The following CDH4 variants were observed in gnomAD, a reference collection of about 807,000 sequenced individuals.
CDH4 encodes cadherin 4.
CDH4 carries 33 observed loss-of-function variants against 86.0 expected under a neutral mutation model. That is an observed-to-expected ratio of 0.38 (90% confidence interval 0.29 to 0.51). The LOEUF (loss-of-function observed/expected upper bound fraction) is 0.51, where lower values mean the gene tolerates loss of function less well. Among genes scored for constraint, CDH4 ranks in the 20% least tolerant of loss-of-function variants. CDH4 has a pLI of 0.86. For missense variants in CDH4, 1,114 were observed against 1,307.4 expected, an observed-to-expected ratio of 0.85 and a Z score of 2.28; for synonymous variants, 555 against 549.4, an observed-to-expected ratio of 1.01 and a Z score of -0.14.
chr20:61,450,592 G>T (rs939009659), intron 2 of CDH4, among the ~76,000 whole-genome samples: 3 of 152,002 alleles, frequency 2.0e-5, no homozygotes, highest in African/African-American at 7.2e-5. Context: ...TTGCAAATAC[G>T]TTTGAGGTTC....
intron 2 of CDH4, among the ~76,000 whole-genome samples, chr20:61,707,825 G>C (rs2087848527): frequency 6.6e-6 from 1 of 152,178 alleles, no homozygotes; most frequent in African/African-American, 2.4e-5. Context: ...GTGAGACTCT[G>C]GTGTCCTTGC....
chr20:61,670,539 G>A (rs370489652), intron 2 of CDH4, among the ~76,000 whole-genome samples: 1 of 152,172 alleles, frequency 6.6e-6, no homozygotes, highest in East Asian at 1.9e-4. Flanking sequence ...GTTCCCTACC[G>A]AATACTGGAG....
intron 2 of CDH4, among the ~76,000 whole-genome samples, chr20:61,626,931 C>T (rs552542676): frequency 4.5e-4 from 68 of 152,294 alleles, no homozygotes; most frequent in Non-Finnish European, 8.5e-4. Flanking sequence ...CACTGAAAAT[C>T]AGGGCTTCAG....
At chr20:61,870,623 G>A (rs1007757204) in intron 6 of CDH4, among the ~76,000 whole-genome samples, 1 of 152,182 alleles carries the variant, frequency 6.6e-6, no homozygotes. Flanking sequence ...AGACGAAAAT[G>A]CCGGGGGCCA....
intron 2 of CDH4, among the ~76,000 whole-genome samples, chr20:61,546,085 C>CGTGT (rs1431879301): frequency 1.5e-3 from 1 of 650 alleles, no homozygotes; most frequent in African/African-American, 7.2e-3. Context: ...TTTGTTCACA[C>CGTGT]GTGTGTGTGT....
intron 2 of CDH4, among the ~76,000 whole-genome samples, chr20:61,584,360 G>A (rs1187609460): frequency 6.6e-6 from 1 of 152,186 alleles, no homozygotes; most frequent in Non-Finnish European, 1.5e-5. Context: ...CTCCCTCAGA[G>A]AAGCCTCTCA....
intron 2 of CDH4, chr20:61,719,125 CA>C (rs1337939316): frequency 4.2e-6 from 2 of 470,930 alleles, no homozygotes; most frequent in Admixed American, 4.7e-5. Context: ...ATGTCACCTG[CA>C]GCCAAATGGC....
At chr20:61,816,630 C>A (rs1186309656) in intron 4 of CDH4, among the ~76,000 whole-genome samples, 4 of 152,076 alleles carry the variant, frequency 2.6e-5, no homozygotes, top group African/African-American at 9.7e-5. Flanking sequence ...TCAGAAGCCA[C>A]CCTAAGGCAG....
At chr20:61,752,129 C>T (rs546907179) in intron 3 of CDH4, among the ~76,000 whole-genome samples, 3 of 152,092 alleles carry the variant, frequency 2.0e-5, no homozygotes, top group Non-Finnish European at 2.9e-5. Context: ...GTCAGGAGTT[C>T]GAGACCAGCC....
At chr20:61,322,871 T>C (rs2084516150) in intron 2 of CDH4, among the ~76,000 whole-genome samples, 1 of 152,186 alleles carries the variant, frequency 6.6e-6, no homozygotes, top group Non-Finnish European at 1.5e-5. Context: ...AAGAGTGTAT[T>C]GGATGCTCTT....
chr20:61,730,513 G>A (rs1401933316), intron 2 of CDH4, among the ~76,000 whole-genome samples: 1 of 152,226 alleles, frequency 6.6e-6, no homozygotes, highest in East Asian at 1.9e-4. Context: ...GAAGCTAAGG[G>A]AAATGGAACT....
chr20:61,403,895 TG>T (rs1371834277), intron 2 of CDH4, among the ~76,000 whole-genome samples: 1 of 152,226 alleles, frequency 6.6e-6, no homozygotes, highest in Non-Finnish European at 1.5e-5. Flanking sequence ...CAGGACGCTG[TG>T]TTTCAGGAAA....
At chr20:61,504,037 C>G (rs185692650) in intron 2 of CDH4, among the ~76,000 whole-genome samples, 2 of 152,330 alleles carry the variant, frequency 1.3e-5, no homozygotes, top group East Asian at 3.9e-4. Flanking sequence ...CCCTAGACCA[C>G]AGCAGCCTTC....
rs943777634 is a variant in CDH4, at chr20:61,623,613, T to C, written c.170-119950T>C. 1.2e-4 allele frequency among the ~76,000 whole-genome samples: 18 copies of C among 152,194 alleles called. No homozygotes were observed. Among genetic ancestry groups the C allele is most frequent in the Non-Finnish European group, 2.9e-5 (2 of 68,030 alleles). On this transcript the variant is annotated intron_variant, in intron 2 of 15. Transcript: ENST00000614565. This position sits in a 1 kb window ranked among gnomAD's most constrained non-coding sequence, Gnocchi z 4.4. ...GTGTTGTCTTTCCTCTACATGAGCA[T>C]CATTCGTGCAAAGTGCATCACAGCT...
At chr20:61,668,649 T>G (rs1203081684) in intron 2 of CDH4, among the ~76,000 whole-genome samples, 1 of 151,944 alleles carries the variant, frequency 6.6e-6, no homozygotes, top group African/African-American at 2.4e-5. Context: ...GTCAGAGAGG[T>G]GAAATGGCAC....
intron 8 of CDH4, among the ~76,000 whole-genome samples, chr20:61,897,190 G>C (rs555940614): frequency 9.8e-5 from 15 of 152,288 alleles, no homozygotes; most frequent in Non-Finnish European, 1.8e-4. Context: ...TGAGACGTTG[G>C]GGGGCAGAAG....
At chr20:61,929,962 C>T in intron 13 of CDH4, 120 bp downstream of exon 13, 1 of 726,364 alleles carries the variant, frequency 1.4e-6, no homozygotes, top group Non-Finnish European at 2.3e-6. Flanking sequence ...TCAGCCTCAT[C>T]TGTCAGGAGC....
chr20:61,818,184 T>C (rs565372219), intron 4 of CDH4, among the ~76,000 whole-genome samples: 15 of 152,260 alleles, frequency 9.9e-5, no homozygotes, highest in South Asian at 6.2e-4. Flanking sequence ...TACACACCAC[T>C]ACGCCTCTTA....
intron 2 of CDH4, among the ~76,000 whole-genome samples, chr20:61,590,802 C>A (rs551342453): frequency 5.3e-5 from 8 of 151,452 alleles, no homozygotes; most frequent in African/African-American, 1.9e-4. Flanking sequence ...AATTTAAATA[C>A]CTGACCTTTT....
Sources: allele counts gnomAD v4.1 joint callset (sites outside exome capture counted in the v4.1 genomes callset), GRCh38; gene constraint gnomAD v4.1.1; non-coding constraint Gnocchi (gnomAD v3.1); transcripts MANE v1.5; gene names NCBI Gene and HGNC (gene_info 2026-07-23, HGNC 2026-07-21).